Variants in SNTG1 observed in about 807,000 individuals in gnomAD.
The protein encoded by SNTG1 is gamma-1-syntrophin.
Under a neutral mutation model 74.7 loss-of-function variants are expected in SNTG1, and 39 were observed. The ratio of observed to expected loss-of-function variants is 0.52; its 90% CI spans 0.40 to 0.68. The LOEUF (loss-of-function observed/expected upper bound fraction) is 0.68, where lower values mean the gene tolerates loss of function less well. SNTG1 is among the 30% of genes least tolerant of loss of function. SNTG1 has a pLI of 0.00. For synonymous variants in SNTG1, 254 were observed against 217.1 expected (o/e 1.17, Z -1.49); for missense variants, 685 against 609.5 (o/e 1.12, Z -1.30).
chr8:50,751,669 T>A (rs965886139), intron 17 of SNTG1, among the ~76,000 whole-genome samples: 2 of 152,022 alleles, frequency 1.3e-5, no homozygotes, highest in Admixed American at 6.6e-5. Context: ...GAATGATCAA[T>A]TCAAAATCAC....
intron 8 of SNTG1, among the ~76,000 whole-genome samples, chr8:50,482,915 C>T (rs908893526): frequency 2.0e-5 from 3 of 152,042 alleles, no homozygotes; most frequent in Admixed American, 6.6e-5. Context: ...CATGAAATTC[C>T]CCAAAGATGT....
intron 18 of SNTG1, among the ~76,000 whole-genome samples, chr8:50,762,993 A>T (rs1216172957): frequency 6.6e-6 from 1 of 151,912 alleles, no homozygotes; most frequent in Non-Finnish European, 1.5e-5. Flanking sequence ...AGACACTGAT[A>T]ACTATGCTCC....
At chr8:50,668,310 C>T (rs1443190709) in intron 15 of SNTG1, among the ~76,000 whole-genome samples, 1 of 151,646 alleles carries the variant, frequency 6.6e-6, no homozygotes, top group Non-Finnish European at 1.5e-5. Flanking sequence ...CTTTCAAGTG[C>T]CAAGTATTAA....
At chr8:50,346,251 T>C (rs1416647029) in intron 2 of SNTG1, among the ~76,000 whole-genome samples, 1 of 152,236 alleles carries the variant, frequency 6.6e-6, no homozygotes, top group East Asian at 1.9e-4. Flanking sequence ...TTCCTGTCTT[T>C]GTAATTGTCA....
At chr8:50,243,583 G>A (rs1353201761) in intron 2 of SNTG1, among the ~76,000 whole-genome samples, 2 of 151,972 alleles carry the variant, frequency 1.3e-5, no homozygotes, top group African/African-American at 4.8e-5. Context: ...ACATCTTCAG[G>A]GACACAGAAC....
intron 13 of SNTG1, among the ~76,000 whole-genome samples, chr8:50,623,659 C>A (rs143598450): frequency 7.9e-5 from 12 of 151,762 alleles, no homozygotes; most frequent in Non-Finnish European, 1.5e-5. Context: ...TTGAAAATTT[C>A]TTTCTCTATA....
At chr8:50,233,911 G>C (rs1322681728) in intron 2 of SNTG1, among the ~76,000 whole-genome samples, 1 of 151,834 alleles carries the variant, frequency 6.6e-6, no homozygotes, top group Non-Finnish European at 1.5e-5. Flanking sequence ...TGCTGGTAAA[G>C]AGAAAGAGAA....
intron 4 of SNTG1, among the ~76,000 whole-genome samples, chr8:50,415,703 C>A (rs1383340980): frequency 6.6e-6 from 1 of 151,858 alleles, no homozygotes; most frequent in Non-Finnish European, 1.5e-5. Flanking sequence ...TTGCATGATG[C>A]TTGCTATCAT....
At chr8:50,527,062 T>C (rs1047236651) in intron 9 of SNTG1, among the ~76,000 whole-genome samples, 6 of 152,144 alleles carry the variant, frequency 3.9e-5, no homozygotes, top group African/African-American at 1.4e-4. Flanking sequence ...GAAATCTTAT[T>C]GTAGTTTTAA....
intron 12 of SNTG1, among the ~76,000 whole-genome samples, chr8:50,559,480 G>C (rs562992350): frequency 6.6e-6 from 1 of 152,084 alleles, no homozygotes; most frequent in Non-Finnish European, 1.5e-5. Context: ...ACTAGAGCAG[G>C]TTGAACAAAT....
chr8:49,953,867 C>G (rs575622332), intron 1 of SNTG1, among the ~76,000 whole-genome samples: 55 of 152,298 alleles, frequency 3.6e-4, no homozygotes, highest in African/African-American at 1.2e-3. Flanking sequence ...TTCAGCTCTG[C>G]AGAGGCAACT....
At chr8:50,718,515 A>G (rs2095480145) in intron 17 of SNTG1, among the ~76,000 whole-genome samples, 3 of 152,200 alleles carry the variant, frequency 2.0e-5, no homozygotes, top group Admixed American at 2.0e-4. Flanking sequence ...GTTCTCTCGA[A>G]CATCCTCTGA....
At chr8:50,779,515 G>T (rs1158664360) in intron 18 of SNTG1, among the ~76,000 whole-genome samples, 2 of 151,290 alleles carry the variant, frequency 1.3e-5, no homozygotes, top group Non-Finnish European at 2.9e-5. Flanking sequence ...GTCTTTTATT[G>T]GTGTATAAGA....
chr8:49,944,387 G>GAT (rs1808968241), intron 1 of SNTG1, among the ~76,000 whole-genome samples: 1 of 151,848 alleles, frequency 6.6e-6, no homozygotes. Flanking sequence ...TGGAAAAAAA[G>GAT]ATATTTGCAT....
intron 15 of SNTG1, among the ~76,000 whole-genome samples, chr8:50,702,210 GTTA>G (rs902337202): frequency 6.6e-6 from 1 of 151,812 alleles, no homozygotes; most frequent in Non-Finnish European, 1.5e-5. Flanking sequence ...TACTTGTGTA[GTTA>G]TTATCTCTCA....
At chr8:50,685,261 A>G (rs190293457) in intron 15 of SNTG1, among the ~76,000 whole-genome samples, 14 of 152,270 alleles carry the variant, frequency 9.2e-5, no homozygotes, top group African/African-American at 3.4e-4. Flanking sequence ...TTGTTTCTGA[A>G]TGAGGTAAAT....
intron 18 of SNTG1, among the ~76,000 whole-genome samples, chr8:50,768,444 G>T (rs575262883): frequency 6.6e-6 from 1 of 152,044 alleles, no homozygotes; most frequent in Non-Finnish European, 1.5e-5. Flanking sequence ...ATGATGTGTT[G>T]ATGTTTGGAT....
intron 18 of SNTG1, among the ~76,000 whole-genome samples, chr8:50,784,430 G>C (rs2095668862): frequency 6.6e-6 from 1 of 152,060 alleles, no homozygotes; most frequent in Non-Finnish European, 1.5e-5. Flanking sequence ...GTCAAAAATT[G>C]TTTCAAGATA....
chr8:50,078,726 C>T (rs1476951984), intron 1 of SNTG1, among the ~76,000 whole-genome samples: 4 of 152,088 alleles, frequency 2.6e-5, no homozygotes, highest in South Asian at 2.1e-4. Context: ...CCCCAACCCT[C>T]GACAGGCCCC....
Sources: allele counts gnomAD v4.1 joint callset (sites outside exome capture counted in the v4.1 genomes callset), GRCh38; gene constraint gnomAD v4.1.1; transcripts MANE v1.5; gene names NCBI Gene and HGNC (gene_info 2026-07-23, HGNC 2026-07-21).